Variants in CNTNAP2 observed in about 807,000 individuals in gnomAD.
CNTNAP2 encodes contactin associated protein 2.
CNTNAP2 carries 98 observed loss-of-function variants against 155.2 expected under a neutral mutation model. The ratio of observed to expected loss-of-function variants is 0.63; its 90% CI spans 0.54 to 0.75. The LOEUF is 0.75. Among genes scored for constraint, CNTNAP2 ranks in the 30% least tolerant of loss-of-function variants. The probability of loss-of-function intolerance (pLI) is 0.00; values close to 1 mark genes in which losing one functional copy is unlikely to be tolerated. For missense variants in CNTNAP2, 1,727 were observed against 1,688.1 expected (o/e 1.02, Z -0.40); for synonymous variants, 651 against 631.2 (o/e 1.03, Z -0.47).
intron 1 of CNTNAP2, among the ~76,000 whole-genome samples, chr7:146,715,512 T>TC (rs34394099): frequency 0.29 from 43,430 of 151,984 alleles, 11,601 homozygotes; most frequent in African/African-American, 0.71. Context: ...GCTGGACCTC[T>TC]ACTTTTTTAA....
intron 3 of CNTNAP2, among the ~76,000 whole-genome samples, chr7:146,961,056 T>C (rs1797548796): frequency 6.6e-6 from 1 of 152,210 alleles, no homozygotes; most frequent in South Asian, 2.1e-4. Context: ...TTTTAGACAA[T>C]TACATTTATC....
chr7:147,254,531 A>C (rs983821581), intron 8 of CNTNAP2, among the ~76,000 whole-genome samples: 1 of 151,824 alleles, frequency 6.6e-6, no homozygotes, highest in African/African-American at 2.4e-5. Flanking sequence ...TTTTCTATTC[A>C]TTCCTTCTGT....
rs762828266 is a variant in CNTNAP2 at position 146,116,841 on chromosome 7, C to A, written c.-36C>A. On this transcript the variant is annotated 5_prime_UTR_variant, in exon 1 of 24. Transcript: ENST00000361727. The surrounding 1 kb of genome is among the most constrained non-coding windows in gnomAD (Gnocchi z 5.5). The stretch of plus-strand genomic sequence containing the variant: ...GGAGAGTCGGACTGCATCTCCGCAG[C>A]GAGCTCTTGGAGCGCCGCCGGCCGG... 1.3e-5 allele frequency: 20 copies of A among 1,510,070 alleles called. No individual in the cohort carries two copies. The highest frequency in any genetic ancestry group is 1.8e-5 in the Non-Finnish European group (20 of 1,117,376). The allele number at this position is 1,510,070 out of a possible 1,614,324, so 93.5% of individuals were successfully genotyped here.
At chr7:146,674,360 G>T (rs1800359332) in intron 1 of CNTNAP2, among the ~76,000 whole-genome samples, 1 of 152,110 alleles carries the variant, frequency 6.6e-6, no homozygotes, top group Non-Finnish European at 1.5e-5. Flanking sequence ...AGTATTAGTA[G>T]ATAGCATTTA....
intron 15 of CNTNAP2, among the ~76,000 whole-genome samples, chr7:148,112,396 A>G (rs2116599502): frequency 6.7e-6 from 1 of 150,240 alleles, no homozygotes; most frequent in South Asian, 2.1e-4. Flanking sequence ...CTAAAATATG[A>G]ATACTGTGCT....
intron 23 of CNTNAP2, among the ~76,000 whole-genome samples, chr7:148,410,222 T>C (rs989866575): frequency 6.6e-6 from 1 of 151,664 alleles, no homozygotes; most frequent in Non-Finnish European, 1.5e-5. Flanking sequence ...CTCGGATATT[T>C]TTCAGTCTTA....
At chr7:147,415,381 C>T (rs1217659169) in intron 10 of CNTNAP2, among the ~76,000 whole-genome samples, 3 of 152,182 alleles carry the variant, frequency 2.0e-5, no homozygotes, top group Admixed American at 1.3e-4. Context: ...ATAATCCCCA[C>T]GTGTCAAGGG....
chr7:148,108,621 C>T (rs867007260), intron 15 of CNTNAP2, among the ~76,000 whole-genome samples: 1 of 140,336 alleles, frequency 7.1e-6, no homozygotes. Context: ...ACTGCAAGCT[C>T]TCATGCATGA....
chr7:148,298,923 C>T (rs1172175975), intron 21 of CNTNAP2, among the ~76,000 whole-genome samples: 1 of 151,984 alleles, frequency 6.6e-6, no homozygotes, highest in Non-Finnish European at 1.5e-5. Context: ...TGGTCTCGAA[C>T]TCCTGGGCTC....
intron 10 of CNTNAP2, among the ~76,000 whole-genome samples, chr7:147,405,000 C>A (rs1422004766): frequency 1.3e-5 from 2 of 152,210 alleles, no homozygotes; most frequent in African/African-American, 4.8e-5. Flanking sequence ...TAAGATTCAA[C>A]AGCAGCTGTA....
At position 147,257,657 on chromosome 7, in the gene CNTNAP2, A is replaced by T. The variant is rs536011346; in HGVS notation, c.1349-42484A>T. Among the ~76,000 whole-genome samples the T allele has an allele frequency of 1.5e-4, 23 of 152,366 alleles. No homozygotes were observed. The South Asian group carries it at 4.1e-3, about 27-fold the overall frequency. ...CCAATTCAAGTACAATTTATTTTTTAAAATGACGCTAGGAAATTGGGAGTC... is the reference window on the plus strand; with the variant it reads ...CCAATTCAAGTACAATTTATTTTTTTAAATGACGCTAGGAAATTGGGAGTC... On this transcript the variant is annotated intron_variant, in intron 8 of 23. Coordinates refer to ENST00000361727, the MANE Select transcript of CNTNAP2 (RefSeq NM_014141.6).
Position 147,387,410 on chromosome 7 carries a change from A to G in CNTNAP2, c.1499-8199A>G, listed in dbSNP as rs944585301. Reference sequence around the variant, plus strand: ...TTATACCCAGCCTTGTATTTTTGACAGGTGTCTTACACACCATGCTTTATT... The same window carrying G: ...TTATACCCAGCCTTGTATTTTTGACGGGTGTCTTACACACCATGCTTTATT... On this transcript the variant is annotated intron_variant, in intron 9 of 23. Transcript: ENST00000361727. 3.3e-5 allele frequency among the ~76,000 whole-genome samples: 5 copies of G among 152,152 alleles called. No individual in the cohort carries two copies. In the East Asian group the frequency reaches 9.6e-4, roughly 29 times the overall value.
chr7:146,999,086 G>T (rs1290517415), intron 3 of CNTNAP2, among the ~76,000 whole-genome samples: 1 of 151,104 alleles, frequency 6.6e-6, no homozygotes, highest in East Asian at 1.9e-4. Context: ...GCTTTCCTTT[G>T]TGATTAAGTA....
At chr7:146,161,190 G>A (rs1378310853) in intron 1 of CNTNAP2, among the ~76,000 whole-genome samples, 1 of 152,192 alleles carries the variant, frequency 6.6e-6, no homozygotes, top group Non-Finnish European at 1.5e-5. Context: ...AGGTATTGAT[G>A]GGACGTATCT....
intron 3 of CNTNAP2, among the ~76,000 whole-genome samples, chr7:146,935,254 C>G (rs1345501542): frequency 1.3e-5 from 2 of 152,268 alleles, no homozygotes; most frequent in East Asian, 3.9e-4. Flanking sequence ...TTGTTTAGGC[C>G]TCTATGAACA....
intron 14 of CNTNAP2, among the ~76,000 whole-genome samples, chr7:147,926,124 T>C (rs190248475): frequency 1.3e-5 from 2 of 152,358 alleles, no homozygotes; most frequent in Non-Finnish European, 2.9e-5. Flanking sequence ...GAGCTGATTA[T>C]ACCTTCTTCA....
intron 13 of CNTNAP2, among the ~76,000 whole-genome samples, chr7:147,729,347 A>T (rs1796698227): frequency 1.3e-5 from 2 of 151,814 alleles, no homozygotes. Context: ...AGAAGTCTAA[A>T]GGTGAATAAA....
At chr7:148,389,638 C>T (rs1035196206) in intron 22 of CNTNAP2, 1 of 152,218 alleles carries the variant, frequency 6.6e-6, no homozygotes, top group Non-Finnish European at 1.5e-5. Context: ...GGATCAGGAA[C>T]CCTTTCTAGT....
chr7:147,786,991 G>T (rs910746196), intron 13 of CNTNAP2, among the ~76,000 whole-genome samples: 1 of 150,938 alleles, frequency 6.6e-6, no homozygotes, highest in Non-Finnish European at 1.5e-5. Flanking sequence ...AAGGGAGGGA[G>T]GGAGGAAGGG....
Sources: allele counts gnomAD v4.1 joint callset (sites outside exome capture counted in the v4.1 genomes callset), GRCh38; gene constraint gnomAD v4.1.1; non-coding constraint Gnocchi (gnomAD v3.1); transcripts MANE v1.5; gene names NCBI Gene and HGNC (gene_info 2026-07-23, HGNC 2026-07-21).